The following IQGAP2 variants were observed in gnomAD, a reference collection of about 807,000 sequenced individuals.
The protein encoded by IQGAP2 is IQ motif containing GTPase activating protein 2.
IQGAP2 carries 173 observed loss-of-function variants against 201.3 expected under a neutral mutation model. The observed-to-expected ratio is 0.86, with a 90% CI of 0.76 to 0.98. The LOEUF (loss-of-function observed/expected upper bound fraction) is 0.98. IQGAP2 is among the 50% of genes least tolerant of loss of function. The pLI is 0.00. For synonymous variants in IQGAP2, 675 were observed against 673.9 expected (o/e 1.00, Z -0.03); for missense variants, 1,687 against 1,864.8 (o/e 0.90, Z 1.76).
At chr5:76,571,403 C>T (rs2150272381) in intron 4 of IQGAP2, among the ~76,000 whole-genome samples, 1 of 152,206 alleles carries the variant, frequency 6.6e-6, no homozygotes, top group African/African-American at 2.4e-5. Flanking sequence ...AGGCTGGTCT[C>T]AGTCTCCTGA....
At chr5:76,487,699 G>T (rs1269059994) in intron 2 of IQGAP2, among the ~76,000 whole-genome samples, 1 of 152,116 alleles carries the variant, frequency 6.6e-6, no homozygotes, top group Non-Finnish European at 1.5e-5. Context: ...GTTAGAGAAT[G>T]GGGGGCAGGG....
intron 2 of IQGAP2, among the ~76,000 whole-genome samples, chr5:76,526,234 C>T (rs1758966184): frequency 6.6e-6 from 1 of 152,188 alleles, no homozygotes; most frequent in African/African-American, 2.4e-5. Flanking sequence ...TCATGCCTAG[C>T]CTCACTCTTT....
intron 5 of IQGAP2, among the ~76,000 whole-genome samples, chr5:76,586,134 T>C (rs895921026): frequency 3.9e-5 from 6 of 152,330 alleles, no homozygotes; most frequent in Admixed American, 3.3e-4. Context: ...TCAGAGGCTG[T>C]GTAAAGTAAA....
chr5:76,583,531 G>T lies in IQGAP2; in HGVS notation c.459-5375G>T, dbSNP rs565019634. On this transcript the variant is annotated intron_variant, in intron 5 of 35. Transcript: ENST00000274364. ...AATTTTTTAGTAAATGAGATTTTTT[G>T]ATATATGCAAATGAGATCTTTACCT... is the stretch of plus-strand genomic sequence containing the variant. 1.4e-4 allele frequency among the ~76,000 whole-genome samples: 22 copies of T among 152,070 alleles called. No individual in the cohort carries two copies. In the East Asian group the frequency reaches 4.2e-3, roughly 29 times the overall value.
chr5:76,530,954 G>A (rs1047254071), intron 2 of IQGAP2, among the ~76,000 whole-genome samples: 1 of 152,228 alleles, frequency 6.6e-6, no homozygotes, highest in Non-Finnish European at 1.5e-5. Flanking sequence ...TGTTTTGTGT[G>A]CTAATGATTA....
In IQGAP2 at chr5:76,606,159, G is replaced by A. The variant is rs760903373; in HGVS notation, c.1233-20G>A. ...AATGAATGTCTCTAATTAACATCAAGATTATTTTCTCTTCCACAGTTATGC... is the reference window on the plus strand; with the variant it reads ...AATGAATGTCTCTAATTAACATCAAAATTATTTTCTCTTCCACAGTTATGC... On this transcript the variant is annotated intron_variant, in intron 11 of 35. Coordinates refer to ENST00000274364, the MANE Select transcript of IQGAP2 (RefSeq NM_006633.5). The A allele has an allele frequency of 3.8e-6, 6 of 1,571,482 alleles. No individual in the cohort carries two copies. The highest frequency in any genetic ancestry group is 4.3e-6 in the Non-Finnish European group (5 of 1,159,386).
chr5:76,588,982 C>T lies in IQGAP2; in HGVS notation c.526+9C>T. 1.9e-6 allele frequency: 3 copies of T among 1,575,902 alleles called. No individual in the cohort carries two copies. The highest frequency in any genetic ancestry group is 2.6e-6 in the Non-Finnish European group (3 of 1,147,836). On this transcript the variant is annotated intron_variant, in intron 6 of 35. Transcript: ENST00000274364. ...CAAAGTAGACTTCACAGGTACTACTCTTTATCTTTGTAATTTTTTACAATC... is the reference window on the plus strand; with the variant it reads ...CAAAGTAGACTTCACAGGTACTACTTTTTATCTTTGTAATTTTTTACAATC...
intron 1 of IQGAP2, among the ~76,000 whole-genome samples, chr5:76,427,843 C>A (rs961654795): frequency 5.9e-5 from 9 of 152,170 alleles, no homozygotes; most frequent in African/African-American, 2.2e-4. Context: ...AGGCTCTGAG[C>A]GGGGGCAGCA....
intron 2 of IQGAP2, among the ~76,000 whole-genome samples, chr5:76,496,719 T>TCTTC (rs1310156353): frequency 5.3e-5 from 1 of 18,846 alleles, no homozygotes; most frequent in Admixed American, 6.4e-4. Flanking sequence ...TTTCTTTCTT[T>TCTTC]CTTTCTTTTC....
chr5:76,474,105 A>T (rs1165688268), intron 2 of IQGAP2, among the ~76,000 whole-genome samples: 1 of 152,174 alleles, frequency 6.6e-6, no homozygotes, highest in African/African-American at 2.4e-5. Flanking sequence ...ACAGAGTCAA[A>T]TCCCCATTTC....
chr5:76,477,181 A>AC (rs1755484407), intron 2 of IQGAP2, among the ~76,000 whole-genome samples: 2 of 140,546 alleles, frequency 1.4e-5, no homozygotes, highest in South Asian at 4.5e-4. Flanking sequence ...CACAAAATAC[A>AC]AAAAAAAAAA....
intron 1 of IQGAP2, among the ~76,000 whole-genome samples, chr5:76,449,498 C>T (rs1753601063): frequency 6.6e-6 from 1 of 152,158 alleles, no homozygotes; most frequent in Non-Finnish European, 1.5e-5. Flanking sequence ...CATGAAGTGC[C>T]CTGCAACTAT....
chr5:76,513,940 T>C (rs930497718), intron 2 of IQGAP2, among the ~76,000 whole-genome samples: 8 of 151,574 alleles, frequency 5.3e-5, no homozygotes, highest in Non-Finnish European at 7.4e-5. Context: ...GGTGAGGGGC[T>C]ATACGGAAAT....
intron 15 of IQGAP2, among the ~76,000 whole-genome samples, chr5:76,634,313 G>A (rs1246145227): frequency 6.6e-6 from 1 of 151,802 alleles, no homozygotes; most frequent in East Asian, 1.9e-4. Context: ...CCAGGCTGGA[G>A]TGCAGCAGGG....
intron 2 of IQGAP2, among the ~76,000 whole-genome samples, chr5:76,552,509 G>A (rs1743628411): frequency 1.3e-5 from 2 of 152,206 alleles, no homozygotes; most frequent in Admixed American, 6.5e-5. Flanking sequence ...AAGTGGCAAG[G>A]AAAGCACAAC....
intron 5 of IQGAP2, among the ~76,000 whole-genome samples, chr5:76,583,939 C>T (rs1470043595): frequency 1.3e-5 from 2 of 151,628 alleles, no homozygotes; most frequent in African/African-American, 2.4e-5. Flanking sequence ...GTGGCACAAT[C>T]GTGGCTCACT....
intron 32 of IQGAP2, among the ~76,000 whole-genome samples, chr5:76,697,515 G>A (rs548647255): frequency 2.3e-4 from 35 of 152,184 alleles, no homozygotes; most frequent in African/African-American, 8.2e-4. Context: ...ATATTGGCAC[G>A]GGCCTGCAGC....
intron 2 of IQGAP2, among the ~76,000 whole-genome samples, chr5:76,532,180 T>G (rs1055595801): frequency 1.9e-4 from 29 of 152,352 alleles, no homozygotes; most frequent in African/African-American, 6.5e-4. Context: ...TGTGTTTATG[T>G]AAATAAATGT....
intron 8 of IQGAP2, among the ~76,000 whole-genome samples, chr5:76,591,235 C>T (rs184506276): frequency 1.1e-4 from 16 of 152,326 alleles, no homozygotes; most frequent in African/African-American, 3.4e-4. Flanking sequence ...ACAGACCTTA[C>T]ATTAGCCAAG....
Sources: gnomAD v4.1 joint callset for allele counts (sites outside exome capture counted in the v4.1 genomes callset) on GRCh38, gnomAD v4.1.1 for gene constraint, MANE v1.5 for transcripts, NCBI Gene and HGNC (gene_info 2026-07-23, HGNC 2026-07-21) for gene names.